The following ZNF717 variants were observed in gnomAD, a reference collection of about 807,000 sequenced individuals.
ZNF717 encodes the protein krueppel-like factor X17.
Under a neutral mutation model 13.8 loss-of-function variants are expected in ZNF717, and 9 were observed. The observed-to-expected ratio is 0.65, with a 90% CI of 0.39 to 1.14. The LOEUF is 1.14. Among genes scored for constraint, ZNF717 ranks in the 50% most tolerant of loss-of-function variants. The probability of loss-of-function intolerance (pLI) is 0.01; values close to 1 mark genes in which losing one functional copy is unlikely to be tolerated. For synonymous variants in ZNF717, 327 were observed against 364.1 expected (o/e 0.90, Z 1.16); for missense variants, 1,040 against 1,080.7 (o/e 0.96, Z 0.53).
intron 6 of ZNF717, among the ~76,000 whole-genome samples, chr3:75,700,853 A>C (rs1837277): frequency 1.3e-5 from 2 of 151,392 alleles, no homozygotes; most frequent in Non-Finnish European, 2.9e-5. Context: ...AAAACATTGG[A>C]GAAACTCTTT....
chr3:75,700,715 C>A (rs1937676627), intron 6 of ZNF717, among the ~76,000 whole-genome samples: 1 of 152,276 alleles, frequency 6.6e-6, no homozygotes, highest in Non-Finnish European at 1.5e-5. Context: ...ATCAATAGGG[C>A]TGGGAAAACT....
intron 6 of ZNF717, among the ~76,000 whole-genome samples, chr3:75,697,181 G>A (rs1937613040): frequency 1.3e-5 from 2 of 152,292 alleles, no homozygotes; most frequent in African/African-American, 4.8e-5. Context: ...CCTATCTGGA[G>A]CAATCAGACA....
At chr3:75,739,663 TA>T (rs1940098491) in intron 4 of ZNF717, among the ~76,000 whole-genome samples, 4 of 126,418 alleles carry the variant, frequency 3.2e-5, no homozygotes, top group African/African-American at 1.2e-4. Flanking sequence ...ATTATTGTCA[TA>T]TGTTTTCTCT....
intron 2 of ZNF717, among the ~76,000 whole-genome samples, chr3:75,752,420 A>G (rs1239071109): frequency 6.7e-6 from 1 of 149,362 alleles, no homozygotes; most frequent in African/African-American, 2.5e-5. Flanking sequence ...TGTCCCTCAC[A>G]TAAGATTCCA....
intron 2 of ZNF717, among the ~76,000 whole-genome samples, chr3:75,770,759 C>A (rs77707659): frequency 1.3e-5 from 2 of 152,036 alleles, no homozygotes; most frequent in African/African-American, 4.8e-5. Context: ...CTTAAGGTAA[C>A]TTTTAGATAG....
chr3:75,774,112 G>T (rs1944112941), intron 2 of ZNF717, among the ~76,000 whole-genome samples: 1 of 151,910 alleles, frequency 6.6e-6, no homozygotes, highest in South Asian at 2.1e-4. Context: ...GTGACATTTG[G>T]CTTTCTCTCT....
At position 75,737,416 on chromosome 3, in the gene ZNF717, A is replaced by AC; in HGVS notation, c.2206dup (p.Val736GlyfsTer15). The AC allele has an allele frequency of 6.4e-7, 1 of 1,554,116 alleles. No individual in the cohort carries two copies. The highest frequency in any genetic ancestry group is 8.7e-7 in the Non-Finnish European group (1 of 1,148,472). On this transcript the variant is annotated frameshift_variant, in exon 5 of 5. Transcript: ENST00000652011. LOFTEE classifies it low-confidence loss of function (END_TRUNC). ...GACTGACTTCTGACAAGGTTTTTCCACATTTGCTACATTCATAGGGTTTCT... is the reference window on the plus strand; with the variant it reads ...GACTGACTTCTGACAAGGTTTTTCCACCATTTGCTACATTCATAGGGTTTCT...
chr3:75,769,567 T>C (rs1943741801), intron 2 of ZNF717, among the ~76,000 whole-genome samples: 1 of 152,218 alleles, frequency 6.6e-6, no homozygotes, highest in Admixed American at 6.5e-5. Flanking sequence ...GAAAAACTCA[T>C]GAGAGATCAC....
intron 2 of ZNF717, among the ~76,000 whole-genome samples, chr3:75,742,206 C>T (rs1940557391): frequency 1.3e-5 from 2 of 152,034 alleles, no homozygotes; most frequent in Admixed American, 6.6e-5. Context: ...TGCCTGTAGT[C>T]CTGGCTACTC....
downstream of ZNF717, among the ~76,000 whole-genome samples, chr3:75,734,664 T>C (rs2106951635): frequency 6.6e-6 from 1 of 151,534 alleles, no homozygotes; most frequent in Non-Finnish European, 1.5e-5. Flanking sequence ...CTCAATCTCC[T>C]GACCTCATGA....
exon 6 of ZNF717, chr3:75,710,152 T>C (rs1291016825): frequency 6.6e-6 from 1 of 152,172 alleles, no homozygotes; most frequent in East Asian, 1.9e-4. Context: ...ACTTAAGTAA[T>C]GGATACACAG....
chr3:75,744,203 A>G (rs1940851530), intron 2 of ZNF717, among the ~76,000 whole-genome samples: 1 of 152,274 alleles, frequency 6.6e-6, no homozygotes, highest in South Asian at 2.1e-4. Flanking sequence ...TCATGATCAT[A>G]GTCCTGTGGA....
At chr3:75,703,500 G>T (rs1937738132) in intron 6 of ZNF717, among the ~76,000 whole-genome samples, 1 of 152,134 alleles carries the variant, frequency 6.6e-6, no homozygotes, top group Non-Finnish European at 1.5e-5. Flanking sequence ...CTGCACTCCA[G>T]CCTGGGCAAC....
intron 2 of ZNF717, among the ~76,000 whole-genome samples, chr3:75,746,664 G>A (rs1399514727): frequency 6.6e-6 from 1 of 152,148 alleles, no homozygotes; most frequent in Admixed American, 6.5e-5. Context: ...GTGTCTGTTG[G>A]CTGCATAAAT....
chr3:75,698,186 G>A (rs199831921), intron 6 of ZNF717, among the ~76,000 whole-genome samples: 1 of 152,284 alleles, frequency 6.6e-6, no homozygotes, highest in Admixed American at 6.5e-5. Context: ...AAGCTTACAA[G>A]GGAAGCATAG....
At chr3:75,732,886 A>C (rs1249275225), downstream of ZNF717, among the ~76,000 whole-genome samples, 1 of 152,214 alleles carries the variant, frequency 6.6e-6, no homozygotes, top group African/African-American at 2.4e-5. Context: ...GTGACAGATC[A>C]TCAGAACCAG....
At chr3:75,726,492 G>A (rs1264890712), downstream of ZNF717, among the ~76,000 whole-genome samples, 3 of 152,236 alleles carry the variant, frequency 2.0e-5, no homozygotes, top group Non-Finnish European at 4.4e-5. Context: ...GCATGGTGAT[G>A]CACGGTATTA....
At chr3:75,759,621 C>A (rs377561715) in intron 2 of ZNF717, among the ~76,000 whole-genome samples, 1 of 121,676 alleles carries the variant, frequency 8.2e-6, no homozygotes, top group Non-Finnish European at 1.8e-5. Context: ...CAGGGAGGAG[C>A]GCAGTGGCAC....
downstream of ZNF717, among the ~76,000 whole-genome samples, chr3:75,705,798 T>C: frequency 6.6e-6 from 1 of 152,426 alleles, no homozygotes; most frequent in Middle Eastern, 3.4e-3. Flanking sequence ...GAATTAGCCA[T>C]ATGCAAGGAA....
Sources: gnomAD v4.1 joint callset for allele counts (sites outside exome capture counted in the v4.1 genomes callset) on GRCh38, gnomAD v4.1.1 for gene constraint, MANE v1.5 for transcripts, NCBI Gene and HGNC (gene_info 2026-07-23, HGNC 2026-07-21) for gene names.